The following MDFI variants were observed in gnomAD, a reference collection of about 807,000 sequenced individuals.
MDFI encodes the protein inhibitor of MyoD family a.
In MDFI, 16 loss-of-function variants were observed where a neutral mutation model predicts 22.3. The ratio of observed to expected loss-of-function variants is 0.72; its 90% confidence interval spans 0.49 to 1.09. The LOEUF (loss-of-function observed/expected upper bound fraction) is 1.09, where lower values mean the gene tolerates loss of function less well. MDFI is among the 50% of genes least tolerant of loss of function. The pLI, the probability that MDFI is intolerant of heterozygous loss-of-function variation, is 0.00. For missense variants in MDFI, 314 were observed against 326.1 expected, an observed-to-expected ratio of 0.96 and a Z score of 0.29; for synonymous variants, 145 against 142.7, an observed-to-expected ratio of 1.02 and a Z score of -0.12.
intron 4 of MDFI, among the ~76,000 whole-genome samples, chr6:41,652,685 C>T (rs1307896424): frequency 7.1e-6 from 1 of 141,062 alleles, no homozygotes; most frequent in East Asian, 2.1e-4. Context: ...GTGATCTCGG[C>T]TCACTACTAC....
At chr6:41,641,619 C>G (rs2127427259) in intron 2 of MDFI, among the ~76,000 whole-genome samples, 1 of 152,310 alleles carries the variant, frequency 6.6e-6, no homozygotes, top group South Asian at 2.1e-4. Context: ...AGCCACCACT[C>G]TCTGACCATA....
Position 41,653,078 on chromosome 6 carries a change from G to A in MDFI, c.485-241G>A, listed in dbSNP as rs1768337447. Among the ~76,000 whole-genome samples, 1 of 152,206 alleles carries A rather than the reference G, an allele frequency of 6.6e-6. No individual in the cohort carries two copies. Among genetic ancestry groups the A allele is most frequent in the South Asian group, 2.1e-4 (1 of 4,828 alleles). ...CATATGTTGGTTAAACAAATAAACA[G>A]AGGGTGGCTAAGAGCAAGGATGATC... is the stretch of plus-strand genomic sequence containing the variant. On this transcript the variant is annotated intron_variant, in intron 4 of 4. Coordinates refer to ENST00000230321, the MANE Select transcript of MDFI (RefSeq NM_005586.4). This position sits in a 1 kb window ranked among gnomAD's most constrained non-coding sequence, Gnocchi z 4.2.
intron 2 of MDFI, among the ~76,000 whole-genome samples, chr6:41,643,540 G>GGAAGGAAA (rs1767927903): frequency 1.6e-5 from 1 of 64,142 alleles, no homozygotes; most frequent in African/African-American, 5.2e-5. Context: ...GAGGGAAGGA[G>GGAAGGAAA]GGAAGGAGGG....
At chr6:41,648,219 T>G (rs1238316585) in intron 3 of MDFI, among the ~76,000 whole-genome samples, 6 of 152,086 alleles carry the variant, frequency 3.9e-5, no homozygotes, top group Non-Finnish European at 8.8e-5. Flanking sequence ...GAGCCCCAGC[T>G]CCTAATCTCT....
rs565694266 is a variant in MDFI, at chr6:41,638,860, G to A, written c.76+35G>A. On this transcript the variant is annotated intron_variant, in intron 2 of 4. Transcript: ENST00000230321. The surrounding 1 kb of genome is among the most constrained non-coding windows in gnomAD (Gnocchi z 7.6). Reference sequence around the variant, plus strand: ...GGAGTGGCGAGCGAAGCTGGACAGGGGCGGGTGGGCGGCTGAAGGGGCCAG... The same window carrying A: ...GGAGTGGCGAGCGAAGCTGGACAGGAGCGGGTGGGCGGCTGAAGGGGCCAG... The A allele has an allele frequency of 2.0e-4, 298 of 1,524,260 alleles. 3 individuals are homozygous for A. The East Asian group carries it at 4.7e-3, about 24-fold the overall frequency. 94.4% of individuals were successfully genotyped at this position (1,524,260 alleles called of 1,614,324 possible). A position where few individuals can be genotyped will look rare whatever the true frequency, so the allele number is the denominator to read the frequency against.
rs1364229639 is a variant in MDFI, at chr6:41,653,913, T to C, written c.*338T>C. On this transcript the variant is annotated 3_prime_UTR_variant, in exon 5 of 5. Coordinates refer to ENST00000230321, the MANE Select transcript of MDFI (RefSeq NM_005586.4). The surrounding 1 kb of genome is among the most constrained non-coding windows in gnomAD (Gnocchi z 4.2). ...GGGCAGCCAGGGCTGGGGAACACTG[T>C]GAAAGTTACTTGGGGAGGGTGGGCC... 1.7e-5 allele frequency: 6 copies of C among 356,412 alleles called. No individual in the cohort carries two copies. Among genetic ancestry groups the C allele is most frequent in the African/African-American group, 1.2e-4 (6 of 48,126 alleles). 22.1% of individuals were successfully genotyped at this position (356,412 alleles called of 1,614,324 possible). A position where few individuals can be genotyped will look rare whatever the true frequency, so the allele number is the denominator to read the frequency against.
chr6:41,644,943 C>T (rs1359689366), intron 2 of MDFI, among the ~76,000 whole-genome samples: 2 of 151,844 alleles, frequency 1.3e-5, no homozygotes, highest in South Asian at 2.1e-4. Flanking sequence ...CTGCCTCTCC[C>T]CGTGTCCCCC....
rs1272632394 is a variant in MDFI, at chr6:41,653,767, C to T, written c.*192C>T. 11 of 682,842 alleles carry T rather than the reference C, an allele frequency of 1.6e-5. No homozygotes were observed. The highest frequency in any genetic ancestry group is 2.4e-5 in the Non-Finnish European group (10 of 410,994). The allele number at this position is 682,842 out of a possible 1,614,324, so 42.3% of individuals were successfully genotyped here. Reference sequence around the variant, plus strand: ...GGGGCACTCAGAGGGGCCACCTCCTCAGCCGTGGGTGGTGGGCCCATGGCA... The same window carrying T: ...GGGGCACTCAGAGGGGCCACCTCCTTAGCCGTGGGTGGTGGGCCCATGGCA... On this transcript the variant is annotated 3_prime_UTR_variant, in exon 5 of 5. Coordinates refer to ENST00000230321, the MANE Select transcript of MDFI (RefSeq NM_005586.4). This position sits in a 1 kb window ranked among gnomAD's most constrained non-coding sequence, Gnocchi z 4.2.
At chr6:41,644,172 A>G (rs1276552200) in intron 2 of MDFI, among the ~76,000 whole-genome samples, 1 of 152,168 alleles carries the variant, frequency 6.6e-6, no homozygotes, top group Non-Finnish European at 1.5e-5. Flanking sequence ...CCTTGTCCAA[A>G]TCCTCTGATC....
chr6:41,637,894 A>T (rs1767696925), upstream of MDFI, among the ~76,000 whole-genome samples: 10 of 152,282 alleles, frequency 6.6e-5, no homozygotes, highest in African/African-American at 2.2e-4. The surrounding 1 kb of genome is among the most constrained non-coding windows in gnomAD (Gnocchi z 6.8). Flanking sequence ...GCTGCGGCAC[A>T]GGGCAGGCTG....
At chr6:41,651,004 A>G (rs2127435565) in intron 4 of MDFI, among the ~76,000 whole-genome samples, 1 of 152,160 alleles carries the variant, frequency 6.6e-6, no homozygotes, top group Middle Eastern at 3.4e-3. Context: ...TCAGGAGTTC[A>G]AGACCAGCCT....
intron 2 of MDFI, among the ~76,000 whole-genome samples, chr6:41,640,636 A>G (rs1017115014): frequency 6.6e-6 from 1 of 152,216 alleles, no homozygotes; most frequent in Non-Finnish European, 1.5e-5. Flanking sequence ...TTACTCCCTG[A>G]GTGCTGACAG....
chr6:41,651,448 C>T (rs1224111320), intron 4 of MDFI, among the ~76,000 whole-genome samples: 3 of 133,872 alleles, frequency 2.2e-5, no homozygotes, highest in African/African-American at 2.9e-5. Context: ...GGAGAGCATG[C>T]GCACAGAGCT....
chr6:41,639,373 C>T (rs534481596), intron 2 of MDFI: 11 of 985,418 alleles, frequency 1.1e-5, no homozygotes, highest in East Asian at 2.3e-4. Context: ...GTCCCCGCCG[C>T]CCCTGCCCTG....
At chr6:41,645,576 C>T (rs12661964) in intron 2 of MDFI, among the ~76,000 whole-genome samples, 7,210 of 152,182 alleles carry the variant, frequency 0.047, 239 homozygotes, top group East Asian at 0.16. Context: ...TCTCTGTCGC[C>T]TCTGCCCCTG....
At chr6:41,643,580 G>GGAAGGAA (rs1561829712) in intron 2 of MDFI, among the ~76,000 whole-genome samples, 5 of 43,052 alleles carry the variant, frequency 1.2e-4, no homozygotes, top group African/African-American at 1.8e-4. Flanking sequence ...GAAGGAAGGA[G>GGAAGGAA]GGAGGGAGGG....
At chr6:41,646,003 A>T in intron 2 of MDFI, 123 bp from the exon 3 acceptor site, 1 of 895,076 alleles carries the variant, frequency 1.1e-6, no homozygotes, top group Non-Finnish European at 1.6e-6. Context: ...GGGCTGCATA[A>T]CTGATGCAGA....
intron 2 of MDFI, among the ~76,000 whole-genome samples, chr6:41,640,661 A>G (rs1432599796): frequency 6.6e-6 from 1 of 152,204 alleles, no homozygotes; most frequent in Non-Finnish European, 1.5e-5. Context: ...GCAAGGCCAC[A>G]GCGCTGCCCC....
intron 2 of MDFI, among the ~76,000 whole-genome samples, 194 bp downstream of exon 2, chr6:41,639,019 T>C (rs1255917229): frequency 1.3e-5 from 2 of 152,066 alleles, no homozygotes; most frequent in Non-Finnish European, 2.9e-5. Context: ...GGCAGGGCCC[T>C]GAACAGAGGC....
Sources: allele counts gnomAD v4.1 joint callset (sites outside exome capture counted in the v4.1 genomes callset), GRCh38; gene constraint gnomAD v4.1.1; non-coding constraint Gnocchi (gnomAD v3.1); transcripts MANE v1.5; gene names NCBI Gene and HGNC (gene_info 2026-07-23, HGNC 2026-07-21).